The following PATJ variants were observed in gnomAD, a reference collection of about 807,000 sequenced individuals.
PATJ encodes the protein PATJ crumbs cell polarity complex component, also known as inaD-like protein.
In PATJ, 190 loss-of-function variants were observed where a neutral mutation model predicts 224.9. The ratio of observed to expected loss-of-function variants is 0.84; its 90% CI spans 0.75 to 0.95. PATJ has a LOEUF of 0.95. Ranked by LOEUF, PATJ falls within the 40% of genes least tolerant of loss-of-function variation. The pLI is 0.00. For synonymous variants in PATJ, 769 were observed against 820.3 expected (o/e 0.94, Z 1.07); for missense variants, 2,121 against 2,270.3 (o/e 0.93, Z 1.34).
chr1:61,899,736 A>C, intron 23 of PATJ, 82 bp downstream of exon 23: 1 of 874,458 alleles, frequency 1.1e-6, no homozygotes, highest in Non-Finnish European at 1.8e-6. Flanking sequence ...AACATTATTT[A>C]GTCCTACTCT....
rs188350652 is a variant in PATJ, at chr1:61,749,497, G to A, written c.-36+6942G>A. ...AACTGGCAAAAAGTTGATTATTGAAGTACACATTTAGTTCTAATCCTGTTT... is the reference window on the plus strand; with the variant it reads ...AACTGGCAAAAAGTTGATTATTGAAATACACATTTAGTTCTAATCCTGTTT... On this transcript the variant is annotated intron_variant, in intron 1 of 43. Transcript: ENST00000642238. 5.3e-5 allele frequency among the ~76,000 whole-genome samples: 8 copies of A among 152,262 alleles called. No homozygotes were observed. The East Asian group carries it at 1.3e-3, about 26-fold the overall frequency.
intron 29 of PATJ, among the ~76,000 whole-genome samples, chr1:62,029,781 GAGT>G (rs1648846722): frequency 6.6e-6 from 1 of 151,976 alleles, no homozygotes; most frequent in Non-Finnish European, 1.5e-5. Context: ...GGAAAGAACT[GAGT>G]CCAAATGGCA....
chr1:62,009,560 C>T (rs1646304015), intron 28 of PATJ, among the ~76,000 whole-genome samples: 1 of 151,958 alleles, frequency 6.6e-6, no homozygotes, highest in African/African-American at 2.4e-5. Flanking sequence ...GTTGGGGTGG[C>T]TGTGACAACT....
intron 27 of PATJ, among the ~76,000 whole-genome samples, chr1:61,945,041 C>T (rs1490807912): frequency 6.6e-6 from 1 of 152,142 alleles, no homozygotes; most frequent in Non-Finnish European, 1.5e-5. Context: ...GATTTTGTCA[C>T]CACCAGGCCT....
intron 26 of PATJ, among the ~76,000 whole-genome samples, chr1:61,921,340 GTCTT>G (rs1408219386): frequency 6.6e-6 from 1 of 152,174 alleles, no homozygotes; most frequent in Non-Finnish European, 1.5e-5. Context: ...ATTGGCCACT[GTCTT>G]TCAGTTCAGA....
chr1:62,088,799 T>G (rs1322251196), intron 33 of PATJ, among the ~76,000 whole-genome samples: 1 of 148,058 alleles, frequency 6.8e-6, no homozygotes, highest in Non-Finnish European at 1.5e-5. Flanking sequence ...AACAGTAGAA[T>G]ATATATATAT....
chr1:61,922,216 T>A (rs905253219), intron 26 of PATJ, among the ~76,000 whole-genome samples: 6 of 152,102 alleles, frequency 3.9e-5, no homozygotes, highest in East Asian at 1.9e-4. Context: ...CTAATTTTTT[T>A]ATTTTTTTAG....
At chr1:62,000,872 T>C (rs1304545519) in intron 28 of PATJ, among the ~76,000 whole-genome samples, 5 of 151,198 alleles carry the variant, frequency 3.3e-5, no homozygotes, top group Non-Finnish European at 5.9e-5. Context: ...GTTTCCTGAC[T>C]TTTTAATGAT....
intron 27 of PATJ, among the ~76,000 whole-genome samples, chr1:61,942,070 G>T (rs1677900833): frequency 6.6e-6 from 1 of 152,164 alleles, no homozygotes; most frequent in Non-Finnish European, 1.5e-5. Flanking sequence ...CCTTCTGGAG[G>T]TCAAAGCCAA....
At chr1:61,766,841 G>A (rs1339857931) in intron 4 of PATJ, among the ~76,000 whole-genome samples, 5 of 152,048 alleles carry the variant, frequency 3.3e-5, no homozygotes, top group Admixed American at 3.3e-4. Context: ...ACCTGTAATT[G>A]CATCACTTTC....
At chr1:61,769,258 T>C in intron 4 of PATJ, 25 bp from the exon 5 acceptor site, 1 of 1,584,168 alleles carries the variant, frequency 6.3e-7, no homozygotes, top group South Asian at 1.2e-5. Context: ...ACCATTGACT[T>C]TTTTTTTTAA....
In PATJ at chr1:62,121,225, T is replaced by C. The variant is rs766024992; in HGVS notation, c.4935T>C (p.Ala1645=). The change falls in exon 38 of 44, where the codon GCT becomes GCC. Residue 1645 remains alanine (A), a synonymous_variant. Coordinates refer to ENST00000642238, the MANE Select transcript of PATJ (RefSeq NM_001350145.3). The stretch of plus-strand genomic sequence containing the variant: ...ACAGCAGCTGTCATCCCTCCTTCGC[T>C]CCTGTCATCACTGGCCTGCAAAACC... ...SAHSSCHPSF[A]PVITGLQNLV... 4.3e-6 allele frequency: 7 copies of C among 1,613,794 alleles called. No homozygotes were observed.
intron 31 of PATJ, among the ~76,000 whole-genome samples, chr1:62,072,233 C>T (rs1657541600): frequency 6.6e-6 from 1 of 152,146 alleles, no homozygotes; most frequent in Non-Finnish European, 1.5e-5. Context: ...TGCACTCCTC[C>T]GTGGGGTTTA....
chr1:61,807,972 C>T (rs938585466), intron 13 of PATJ, among the ~76,000 whole-genome samples: 1 of 152,148 alleles, frequency 6.6e-6, no homozygotes. Context: ...CAGGTCTTTC[C>T]GTTTATGTCT....
At chr1:61,849,203 A>T (rs1424537667) in intron 17 of PATJ, among the ~76,000 whole-genome samples, 1 of 152,138 alleles carries the variant, frequency 6.6e-6, no homozygotes. Flanking sequence ...GAATCATTTC[A>T]TCCTTGTGAA....
chr1:62,010,791 G>A (rs1434057011), intron 28 of PATJ, among the ~76,000 whole-genome samples: 1 of 152,186 alleles, frequency 6.6e-6, no homozygotes, highest in East Asian at 1.9e-4. Flanking sequence ...TGAAGGGGAA[G>A]CAAACACATC....
intron 30 of PATJ, among the ~76,000 whole-genome samples, chr1:62,048,476 G>T (rs1652944135): frequency 6.8e-6 from 1 of 146,756 alleles, no homozygotes; most frequent in Non-Finnish European, 1.5e-5. Flanking sequence ...AACCCAGGAG[G>T]CAGAAGTTGC....
Position 61,980,284 on chromosome 1 carries a change from C to CA in PATJ, c.3671-9876dup, listed in dbSNP as rs1272985105. ...TGGTCAACAGAATGAGACCCTGTGT[C>CA]AAAAAAAATAAAAAATAAATAAAAT... On this transcript the variant is annotated intron_variant, in intron 27 of 43. Transcript: ENST00000642238. 6.7e-5 allele frequency among the ~76,000 whole-genome samples: 10 copies of CA among 150,276 alleles called. No homozygotes were observed. The East Asian group carries it at 9.7e-4, about 15-fold the overall frequency.
At position 61,869,917 on chromosome 1, in the gene PATJ, G is replaced by A. The variant is rs186066107; in HGVS notation, c.2835+5284G>A. ...GGAGCAAATTCTGTGCAGGCCCAGCGGCAGCATCTAGGGGAGGTGCGTGCA... is the reference window on the plus strand; with the variant it reads ...GGAGCAAATTCTGTGCAGGCCCAGCAGCAGCATCTAGGGGAGGTGCGTGCA... On this transcript the variant is annotated intron_variant, in intron 20 of 43. Coordinates refer to ENST00000642238, the MANE Select transcript of PATJ (RefSeq NM_001350145.3). Among the ~76,000 whole-genome samples the A allele has an allele frequency of 3.0e-4, 46 of 152,330 alleles. 1 individual carries two copies. In the East Asian group the frequency reaches 4.1e-3, roughly 13 times the overall value.
Sources: allele counts gnomAD v4.1 joint callset (sites outside exome capture counted in the v4.1 genomes callset), GRCh38; gene constraint gnomAD v4.1.1; transcripts MANE v1.5; gene names NCBI Gene and HGNC (gene_info 2026-07-23, HGNC 2026-07-21).